The following CDH3 variants were observed in gnomAD, a reference collection of about 807,000 sequenced individuals.
CDH3 encodes cadherin-3.
CDH3 carries 54 observed loss-of-function variants against 82.0 expected under a neutral mutation model. The observed-to-expected ratio is 0.66, with a 90% CI of 0.53 to 0.83. CDH3 has a LOEUF of 0.83. CDH3 is among the 40% of genes least tolerant of loss of function. The pLI, the probability that CDH3 is intolerant of heterozygous loss-of-function variation, is 0.00. For synonymous variants in CDH3, 446 were observed against 437.9 expected (o/e 1.02, Z -0.23); for missense variants, 1,054 against 1,084.6 (o/e 0.97, Z 0.40).
At chr16:68,714,373 C>T (rs1962068401) in intron 1 of CDH3, among the ~76,000 whole-genome samples, 2 of 152,210 alleles carry the variant, frequency 1.3e-5, no homozygotes, top group African/African-American at 4.8e-5. Flanking sequence ...TGAAAACCTT[C>T]TGTGAATTCC....
At position 68,695,812 on chromosome 16, in the gene CDH3, G is replaced by T; in HGVS notation, c.2169G>T (p.Glu723Asp). 6.2e-7 allele frequency: 1 copy of T among 1,614,136 alleles called. No homozygotes were observed. The highest frequency in any genetic ancestry group is 1.3e-5 in the African/African-American group (1 of 75,018). ...YDITQLHRGL[E>D]ARPEVVLRND... Reference sequence around the variant, plus strand: ...TCACCCAGCTCCACCGAGGTCTGGAGGCCAGGCCGGAGGTGGTTCTCCGCA... The same window carrying T: ...TCACCCAGCTCCACCGAGGTCTGGATGCCAGGCCGGAGGTGGTTCTCCGCA... Residue 723 changes from glutamate (E) to aspartate (D), a missense_variant, in exon 15 of 16, where the codon GAG becomes GAT. Transcript: ENST00000264012.
At chr16:68,713,885 C>A (rs910360727) in intron 1 of CDH3, among the ~76,000 whole-genome samples, 4 of 151,684 alleles carry the variant, frequency 2.6e-5, no homozygotes, top group African/African-American at 9.7e-5. Flanking sequence ...CTTCTCACCC[C>A]ATCCCTGCCC....
chr16:68,697,324 T>A (rs78475507), intron 15 of CDH3, among the ~76,000 whole-genome samples: 6 of 146,764 alleles, frequency 4.1e-5, no homozygotes, highest in Admixed American at 6.8e-5. Flanking sequence ...ATTCCATCTT[T>A]AAAAAAAAAA....
chr16:68,651,904 C>A (rs1018518852), intron 2 of CDH3: 8 of 418,838 alleles, frequency 1.9e-5, no homozygotes, highest in Non-Finnish European at 3.3e-5. Flanking sequence ...CGGTTCTTGA[C>A]CTCGGCGGAG....
At position 68,698,577 on chromosome 16, in the gene CDH3, G is replaced by A. The variant is rs535207834; in HGVS notation, c.*177G>A. The stretch of plus-strand genomic sequence containing the variant: ...GTGGCTTCCTTAGCCTTTCAGGATG[G>A]AGGAATGTGGGCAGTTTGACTTCAG... On this transcript the variant is annotated 3_prime_UTR_variant, in exon 16 of 16. Coordinates refer to ENST00000264012, the MANE Select transcript of CDH3 (RefSeq NM_001793.6). 8.1e-6 allele frequency: 5 copies of A among 620,896 alleles called. No individual in the cohort carries two copies. The highest frequency in any genetic ancestry group is 1.4e-5 in the Non-Finnish European group (5 of 351,724). The allele number at this position is 620,896 out of a possible 1,614,324, so 38.5% of individuals were successfully genotyped here.
At chr16:68,650,302 T>C (rs1487032652) in intron 2 of CDH3, among the ~76,000 whole-genome samples, 3 of 151,990 alleles carry the variant, frequency 2.0e-5, no homozygotes, top group Non-Finnish European at 4.4e-5. Context: ...GGAAAAAATA[T>C]ATATATTTTT....
chr16:68,676,623 G>T (rs1293110163), intron 3 of CDH3, among the ~76,000 whole-genome samples, 153 bp downstream of exon 3: 1 of 152,220 alleles, frequency 6.6e-6, no homozygotes, highest in Non-Finnish European at 1.5e-5. Context: ...CACAGCTTGG[G>T]TGTGAGCACT....
intron 12 of CDH3, among the ~76,000 whole-genome samples, chr16:68,690,034 T>C (rs115700076): frequency 3.3e-5 from 5 of 152,154 alleles, no homozygotes; most frequent in Non-Finnish European, 5.9e-5. Flanking sequence ...GCCACTGATA[T>C]TATGTTCGTC....
At chr16:68,673,508 G>T (rs8046637) in intron 2 of CDH3, among the ~76,000 whole-genome samples, 64,563 of 150,668 alleles carry the variant, frequency 0.43, 14,338 homozygotes, top group East Asian at 0.6. Flanking sequence ...GGTCTTGCTG[G>T]AGTACAGTGG....
chr16:68,686,478 C>T, intron 11 of CDH3: 2 of 1,224,220 alleles, frequency 1.6e-6, no homozygotes, highest in Non-Finnish European at 2.4e-6. Flanking sequence ...CATTATGGGT[C>T]CAGAAAAATC....
chr16:68,705,585 C>G (rs1178997586), intron 1 of CDH3, among the ~76,000 whole-genome samples: 3 of 151,824 alleles, frequency 2.0e-5, no homozygotes, highest in African/African-American at 7.3e-5. Context: ...CCATGCCTGG[C>G]TAACTTTTGT....
chr16:68,656,041 A>G (rs1056849672), intron 2 of CDH3, among the ~76,000 whole-genome samples: 1 of 152,176 alleles, frequency 6.6e-6, no homozygotes. Flanking sequence ...GTTCTGGCAG[A>G]GGAACAACAC....
intron 2 of CDH3, among the ~76,000 whole-genome samples, chr16:68,659,996 T>C (rs1960516652): frequency 6.6e-6 from 1 of 152,260 alleles, no homozygotes; most frequent in South Asian, 2.1e-4. Context: ...ACATGGTGAA[T>C]GTACCATGAT....
chr16:68,690,482 G>A (rs185278089), intron 12 of CDH3, among the ~76,000 whole-genome samples: 393 of 152,126 alleles, frequency 2.6e-3, no homozygotes, highest in Admixed American at 4.9e-3. Flanking sequence ...GTGTAGTGGC[G>A]CAAACCTGTA....
chr16:68,680,274 C>T (rs1961181548), intron 7 of CDH3, among the ~76,000 whole-genome samples: 1 of 152,232 alleles, frequency 6.6e-6, no homozygotes. Flanking sequence ...ACTTAGTGTG[C>T]ACATTACCCA....
At chr16:68,708,418 C>T (rs558502920) in intron 1 of CDH3, among the ~76,000 whole-genome samples, 74 of 149,368 alleles carry the variant, frequency 5.0e-4, no homozygotes, top group African/African-American at 1.6e-3. Context: ...CAAATCAAAC[C>T]ACGTTTCCTC....
intron 2 of CDH3, among the ~76,000 whole-genome samples, chr16:68,652,807 C>A (rs1960286432): frequency 6.6e-6 from 1 of 152,288 alleles, no homozygotes; most frequent in East Asian, 1.9e-4. Flanking sequence ...GTAAGAGGAT[C>A]ATACAATTAT....
At chr16:68,649,095 G>A (rs1597787687) in intron 2 of CDH3, among the ~76,000 whole-genome samples, 2 of 152,080 alleles carry the variant, frequency 1.3e-5, no homozygotes, top group East Asian at 3.9e-4. Flanking sequence ...TGGGAGGAGG[G>A]AACTTTCATG....
In CDH3 at chr16:68,684,616, C is replaced by G. The variant is rs756465434; in HGVS notation, c.1216C>G (p.Leu406Val). ...LDFEAKNQHT[L>V]YVEVTNEAPF... ...TTTTGAGGCCAAAAACCAGCACACC[C>G]TGTACGTTGAAGTGACCAACGAGGC... The change falls in exon 10 of 16, where the codon CTG (leucine) becomes GTG (valine). Residue 406 changes from leucine (L) to valine (V), a missense_variant. Leu to Val is a conservative substitution (Grantham distance 32). Transcript: ENST00000264012. 6.2e-6 allele frequency: 10 copies of G among 1,614,086 alleles called. No homozygotes were observed.
Sources: gnomAD v4.1 joint callset for allele counts (sites outside exome capture counted in the v4.1 genomes callset) on GRCh38, gnomAD v4.1.1 for gene constraint, MANE v1.5 for transcripts, NCBI Gene and HGNC (gene_info 2026-07-23, HGNC 2026-07-21) for gene names.